Variants in PPARA observed in about 807,000 individuals in gnomAD.
PPARA encodes the protein peroxisome proliferator-activated receptor alpha.
A neutral mutation model predicts 42.2 loss-of-function variants in PPARA; 22 were observed. The observed-to-expected ratio is 0.52, with a 90% confidence interval of 0.37 to 0.74. PPARA has a LOEUF of 0.74. PPARA is among the 30% of genes least tolerant of loss of function. The pLI, the probability that PPARA is intolerant of heterozygous loss-of-function variation, is 0.00. For missense variants in PPARA, 465 were observed against 608.2 expected (o/e 0.76, Z 2.48); for synonymous variants, 242 against 239.3 (o/e 1.01, Z -0.10).
chr22:46,197,509 T>C (rs1425981831), intron 3 of PPARA, among the ~76,000 whole-genome samples: 2 of 152,208 alleles, frequency 1.3e-5, no homozygotes, highest in African/African-American at 2.4e-5. Flanking sequence ...TTTCTCAGCG[T>C]GCTGATCAAG....
At position 46,198,483 on chromosome 22, in the gene PPARA, A is replaced by C. The variant is rs753962694; in HGVS notation, c.100A>C (p.Ile34Leu). ...SEEFLQEMGN[I>L]QEISQSIGED... ...AGAGTTCCTGCAAGAAATGGGAAACATCCAAGAGATTTCGCAATCCATCGG... is the reference window on the plus strand; with the variant it reads ...AGAGTTCCTGCAAGAAATGGGAAACCTCCAAGAGATTTCGCAATCCATCGG... The change falls in exon 4 of 9, where the codon ATC becomes CTC. Residue 34 changes from isoleucine (I) to leucine (L), a missense_variant. Ile to Leu is a conservative substitution (Grantham distance 5). Transcript: ENST00000407236. 6.2e-7 allele frequency: 1 copy of C among 1,613,926 alleles called. No individual in the cohort carries two copies. Among genetic ancestry groups the C allele is most frequent in the East Asian group, 2.2e-5 (1 of 44,878 alleles).
Position 46,196,662 on chromosome 22 carries a change from A to G in PPARA, c.-42-1680A>G, listed in dbSNP as rs1932268755. Among the ~76,000 whole-genome samples the G allele has an allele frequency of 6.6e-6, 1 of 152,114 alleles. No individual in the cohort carries two copies. The highest frequency in any genetic ancestry group is 2.1e-4 in the South Asian group (1 of 4,832). ...CACACGTGCATTCATTTCGTTGTTC[A>G]CCATCTGTGTCCCAGTTACAAGGGA... On this transcript the variant is annotated intron_variant, in intron 3 of 8. Transcript: ENST00000407236. The surrounding 1 kb of genome is among the most constrained non-coding windows in gnomAD (Gnocchi z 5.6).
Position 46,165,870 on chromosome 22 carries a change from A to C in PPARA, c.-126-10883A>C, listed in dbSNP as rs1477813115. 6.6e-6 allele frequency among the ~76,000 whole-genome samples: 1 copy of C among 152,194 alleles called. No individual in the cohort carries two copies. The highest frequency in any genetic ancestry group is 2.4e-5 in the African/African-American group (1 of 41,438). On this transcript the variant is annotated intron_variant, in intron 2 of 8. Transcript: ENST00000407236. This position sits in a 1 kb window ranked among gnomAD's most constrained non-coding sequence, Gnocchi z 5.5. ...CCTTTGCACAGTTCCCTTATGCATAAATTTCAGTCAGTGGCCAGCTGCAGT... is the reference window on the plus strand; with the variant it reads ...CCTTTGCACAGTTCCCTTATGCATACATTTCAGTCAGTGGCCAGCTGCAGT...
chr22:46,234,177 C>T lies in PPARA; in HGVS notation c.1160-956C>T, dbSNP rs1028987294. Among the ~76,000 whole-genome samples, 5 of 151,946 alleles carry T rather than the reference C, an allele frequency of 3.3e-5. No homozygotes were observed. Among genetic ancestry groups the T allele is most frequent in the Admixed American group, 6.6e-5 (1 of 15,240 alleles). ...TTATAGCCCCAGCCACTCTGGAGGC[C>T]GAGGCAGGAGGATTGCTTGAGCCTA... On this transcript the variant is annotated intron_variant, in intron 8 of 8. Transcript: ENST00000407236. This position sits in a 1 kb window ranked among gnomAD's most constrained non-coding sequence, Gnocchi z 5.8.
intron 7 of PPARA, among the ~76,000 whole-genome samples, chr22:46,226,222 C>T (rs761748240): frequency 1.3e-5 from 2 of 152,044 alleles, no homozygotes; most frequent in Non-Finnish European, 2.9e-5. Flanking sequence ...TATGCTCACA[C>T]ACACGTGCAC....
rs569855066 is a variant in PPARA at position 46,224,925 on chromosome 22, C to G, written c.711+4911C>G. 6.7e-6 allele frequency among the ~76,000 whole-genome samples: 1 copy of G among 148,516 alleles called. No homozygotes were observed. The highest frequency in any genetic ancestry group is 2.5e-5 in the African/African-American group (1 of 40,074). ...CAAGATCAGCTCGTGGCCTTCAGAT[C>G]AGATGACGCAAAGCCCCATGGCTGA... On this transcript the variant is annotated intron_variant, in intron 7 of 8. Transcript: ENST00000407236. The surrounding 1 kb of genome is among the most constrained non-coding windows in gnomAD (Gnocchi z 5.7).
rs1206825778 is a variant in PPARA at position 46,211,532 on chromosome 22, G to A, written c.209-3641G>A. Among the ~76,000 whole-genome samples the A allele has an allele frequency of 3.3e-5, 5 of 152,228 alleles. No homozygotes were observed. The East Asian group carries it at 9.6e-4, about 29-fold the overall frequency. On this transcript the variant is annotated intron_variant, in intron 4 of 8. Coordinates refer to ENST00000407236, the MANE Select transcript of PPARA (RefSeq NM_005036.6). This position sits in a 1 kb window ranked among gnomAD's most constrained non-coding sequence, Gnocchi z 4.1. ...CCTACATTCGTAGCACAGTTAGATT[G>A]TTTTGTTACATTCTGCATTTCACCC...
In PPARA at chr22:46,241,528, G is replaced by A. The variant is rs1475366842; in HGVS notation, c.*6148G>A. On this transcript the variant is annotated 3_prime_UTR_variant, in exon 9 of 9. Transcript: ENST00000407236. This position sits in a 1 kb window ranked among gnomAD's most constrained non-coding sequence, Gnocchi z 5.7. The stretch of plus-strand genomic sequence containing the variant: ...AAGCTTATCACAAAAAGCCATGTGT[G>A]TGGCCTTATCAGAACAGAAAGAGAC... The A allele has an allele frequency of 6.6e-6, 1 of 152,180 alleles. No homozygotes were observed. Among genetic ancestry groups the A allele is most frequent in the Non-Finnish European group, 1.5e-5 (1 of 68,040 alleles). The allele number at this position is 152,180 out of a possible 1,614,324, so 9.4% of individuals were successfully genotyped here. A position where few individuals can be genotyped will look rare whatever the true frequency, so the allele number is the denominator to read the frequency against.
chr22:46,154,698 G>A (rs1395278630), intron 2 of PPARA, among the ~76,000 whole-genome samples: 2 of 151,028 alleles, frequency 1.3e-5, no homozygotes, highest in African/African-American at 4.9e-5. Flanking sequence ...TTTGAGACAG[G>A]GTCTCACTGT....
chr22:46,240,067 G>T lies in PPARA; in HGVS notation c.*4687G>T, dbSNP rs1326152387. 4 of 398,214 alleles carry T rather than the reference G, an allele frequency of 1.0e-5. No individual in the cohort carries two copies. Among genetic ancestry groups the T allele is most frequent in the Non-Finnish European group, 1.8e-5 (4 of 226,288 alleles). 24.7% of individuals were successfully genotyped at this position (398,214 alleles called of 1,614,324 possible). A position where few individuals can be genotyped will look rare whatever the true frequency, so the allele number is the denominator to read the frequency against. On this transcript the variant is annotated 3_prime_UTR_variant, in exon 9 of 9. Coordinates refer to ENST00000407236, the MANE Select transcript of PPARA (RefSeq NM_005036.6). The surrounding 1 kb of genome is among the most constrained non-coding windows in gnomAD (Gnocchi z 6.0). ...CTTGACCGACAGCCTGGCCTTTGGT[G>T]GGGGGCTTCCTGGGGCCTGGGGAAA...
In PPARA at chr22:46,167,195, A is replaced by G. The variant is rs1927199087; in HGVS notation, c.-126-9558A>G. On this transcript the variant is annotated intron_variant, in intron 2 of 8. Transcript: ENST00000407236. The surrounding 1 kb of genome is among the most constrained non-coding windows in gnomAD (Gnocchi z 4.1). The stretch of plus-strand genomic sequence containing the variant: ...GATAGCCATATGCAAAAGAACCTCA[A>G]CCTTCAGCTCACAGCACTACAAACT... Among the ~76,000 whole-genome samples the G allele has an allele frequency of 6.6e-6, 1 of 151,698 alleles. No homozygotes were observed. Among genetic ancestry groups the G allele is most frequent in the African/African-American group, 2.4e-5 (1 of 41,340 alleles).
In PPARA at chr22:46,234,990, C is replaced by T; in HGVS notation, c.1160-143C>T. On this transcript the variant is annotated intron_variant, in intron 8 of 8. Coordinates refer to ENST00000407236, the MANE Select transcript of PPARA (RefSeq NM_005036.6). This position sits in a 1 kb window ranked among gnomAD's most constrained non-coding sequence, Gnocchi z 5.8. ...TTTGGAAAAACCTATGTCTATCTTCCAGTCAAGTTGACAATATCTAAAGGC... is the reference window on the plus strand; with the variant it reads ...TTTGGAAAAACCTATGTCTATCTTCTAGTCAAGTTGACAATATCTAAAGGC... 8.8e-7 allele frequency: 1 copy of T among 1,131,922 alleles called. No homozygotes were observed. The highest frequency in any genetic ancestry group is 1.3e-6 in the Non-Finnish European group (1 of 764,084). 70.1% of individuals were successfully genotyped at this position (1,131,922 alleles called of 1,614,324 possible).
rs991816123 is a variant in PPARA at position 46,198,404 on chromosome 22, A to G, written c.21A>G (p.Pro7=). The G allele has an allele frequency of 1.9e-6, 3 of 1,613,558 alleles. No homozygotes were observed. Among genetic ancestry groups the G allele is most frequent in the Non-Finnish European group, 1.7e-6 (2 of 1,179,860 alleles). The change falls in exon 4 of 9, where the codon CCA becomes CCG. Residue 7 remains proline (P), a synonymous_variant. Coordinates refer to ENST00000407236, the MANE Select transcript of PPARA (RefSeq NM_005036.6). MVDTES[P]LCPLSPLEAG... is the part of the protein sequence containing the mutation. The stretch of plus-strand genomic sequence containing the variant: ...TCGCGATGGTGGACACGGAAAGCCC[A>G]CTCTGCCCCCTCTCCCCACTCGAGG...
intron 4 of PPARA, among the ~76,000 whole-genome samples, chr22:46,201,408 C>A (rs371336402): frequency 6.6e-6 from 1 of 152,140 alleles, no homozygotes; most frequent in African/African-American, 2.4e-5. Flanking sequence ...CTCCCTTTCT[C>A]CTGGCGCGTT....
At chr22:46,157,318 G>C (rs1386171402) in intron 2 of PPARA, among the ~76,000 whole-genome samples, 3 of 152,316 alleles carry the variant, frequency 2.0e-5, no homozygotes, top group South Asian at 2.1e-4. Flanking sequence ...CTGGCTGAAG[G>C]GGGAGGCACC....
Position 46,211,283 on chromosome 22 carries a change from C to CT in PPARA, c.209-3889dup, listed in dbSNP as rs1329551466. Among the ~76,000 whole-genome samples the CT allele has an allele frequency of 6.6e-6, 1 of 152,176 alleles. No individual in the cohort carries two copies. The highest frequency in any genetic ancestry group is 2.4e-5 in the African/African-American group (1 of 41,448). Reference sequence around the variant, plus strand: ...GTTCTAGCCTCCTCCACTTGCCTACCTGTCAATTCACCATTCCTTGAGTTC... The same window carrying CT: ...GTTCTAGCCTCCTCCACTTGCCTACCTTGTCAATTCACCATTCCTTGAGTTC... On this transcript the variant is annotated intron_variant, in intron 4 of 8. Coordinates refer to ENST00000407236, the MANE Select transcript of PPARA (RefSeq NM_005036.6). This position sits in a 1 kb window ranked among gnomAD's most constrained non-coding sequence, Gnocchi z 4.1.
At chr22:46,199,890 T>A (rs935993266) in intron 4 of PPARA, among the ~76,000 whole-genome samples, 1 of 151,968 alleles carries the variant, frequency 6.6e-6, no homozygotes, top group Non-Finnish European at 1.5e-5. Context: ...GCCGGGCTAA[T>A]TTTTGTATTT....
rs1006759604 is a variant in PPARA at position 46,203,134 on chromosome 22, T to C, written c.208+4543T>C. Reference sequence around the variant, plus strand: ...TGGTCATTTGTACTCATCTCACAATTGTTAAAACCTCTTTCCTCCCTTCCA... The same window carrying C: ...TGGTCATTTGTACTCATCTCACAATCGTTAAAACCTCTTTCCTCCCTTCCA... On this transcript the variant is annotated intron_variant, in intron 4 of 8. Transcript: ENST00000407236. The surrounding 1 kb of genome is among the most constrained non-coding windows in gnomAD (Gnocchi z 5.8). Among the ~76,000 whole-genome samples the C allele has an allele frequency of 1.3e-5, 2 of 152,172 alleles. No homozygotes were observed. Among genetic ancestry groups the C allele is most frequent in the African/African-American group, 4.8e-5 (2 of 41,458 alleles).
chr22:46,202,728 C>T (rs139018740), intron 4 of PPARA, among the ~76,000 whole-genome samples: 2,223 of 143,696 alleles, frequency 0.015, 53 homozygotes, highest in African/African-American at 0.052. Context: ...TGCAGTGGTG[C>T]GATCTTGGCC....
Sources: allele counts gnomAD v4.1 joint callset (sites outside exome capture counted in the v4.1 genomes callset), GRCh38; gene constraint gnomAD v4.1.1; non-coding constraint Gnocchi (gnomAD v3.1); transcripts MANE v1.5; gene names NCBI Gene and HGNC (gene_info 2026-07-23, HGNC 2026-07-21).